Variants in SGCD observed in about 807,000 individuals in gnomAD.
The protein encoded by SGCD is sarcoglycan delta.
In SGCD, 18 loss-of-function variants were observed where a neutral mutation model predicts 36.6. The ratio of observed to expected loss-of-function variants is 0.49; its 90% CI spans 0.34 to 0.73. The LOEUF (loss-of-function observed/expected upper bound fraction) is 0.73. SGCD is among the 30% of genes least tolerant of loss of function. The pLI is 0.01. For synonymous variants in SGCD, 133 were observed against 130.6 expected (o/e 1.02, Z -0.12); for missense variants, 387 against 346.7 (o/e 1.12, Z -0.92).
chr5:156,034,832 C>T (rs933010736), intron 1 of SGCD, among the ~76,000 whole-genome samples: 6 of 152,196 alleles, frequency 3.9e-5, no homozygotes, highest in Admixed American at 3.3e-4. Flanking sequence ...ATAGTAAGCA[C>T]TTAGTCAATA....
chr5:155,893,100 A>G (rs1489414952), intron 1 of SGCD, among the ~76,000 whole-genome samples: 2 of 152,188 alleles, frequency 1.3e-5, no homozygotes, highest in South Asian at 4.1e-4. Context: ...GGATTTCTGA[A>G]GAGTTAGAAG....
chr5:155,987,153 T>C (rs927134298), intron 1 of SGCD, among the ~76,000 whole-genome samples: 5 of 152,196 alleles, frequency 3.3e-5, no homozygotes, highest in Non-Finnish European at 5.9e-5. Context: ...AAATAGCTTA[T>C]TTCCAAAAAG....
At chr5:156,270,081 C>T (rs1194628505) in intron 3 of SGCD, among the ~76,000 whole-genome samples, 3 of 152,180 alleles carry the variant, frequency 2.0e-5, no homozygotes, top group Non-Finnish European at 4.4e-5. Context: ...CAGTTTCAGT[C>T]TTCTGCATAT....
At chr5:156,563,062 C>G (rs565281852) in intron 4 of SGCD, among the ~76,000 whole-genome samples, 2 of 152,164 alleles carry the variant, frequency 1.3e-5, no homozygotes, top group East Asian at 3.9e-4. Context: ...TCACTGCATC[C>G]TCTGCCTCCC....
intron 3 of SGCD, among the ~76,000 whole-genome samples, chr5:156,290,009 A>C (rs1376241172): frequency 6.6e-6 from 1 of 152,158 alleles, no homozygotes. Context: ...AGGCAGGGGC[A>C]ATTAGAGAAT....
At chr5:155,755,368 G>A in the SGCD span, among the ~76,000 whole-genome samples, 2 of 152,138 alleles carry the variant, frequency 1.3e-5, no homozygotes, top group Admixed American at 1.3e-4. Flanking sequence ...CTGTTTGTTT[G>A]TACTGCTCTG....
At chr5:155,759,669 T>C in the SGCD span, among the ~76,000 whole-genome samples, 341 of 152,284 alleles carry the variant, frequency 2.2e-3, no homozygotes, top group Middle Eastern at 0.01. Context: ...GTAATCATGG[T>C]GAGATGTTCA....
At chr5:156,240,696 TA>T (rs939057371) in intron 3 of SGCD, among the ~76,000 whole-genome samples, 13 of 151,300 alleles carry the variant, frequency 8.6e-5, no homozygotes, top group African/African-American at 2.4e-4. Context: ...CTTAATTTAA[TA>T]AAAAAAAATG....
At chr5:156,754,190 G>A (rs1211815986) in intron 7 of SGCD, among the ~76,000 whole-genome samples, 1 of 152,176 alleles carries the variant, frequency 6.6e-6, no homozygotes, top group Non-Finnish European at 1.5e-5. Flanking sequence ...CAGAGGCCTA[G>A]GCAGTGGGCA....
chr5:156,651,338 A>G (rs879360266), intron 7 of SGCD, among the ~76,000 whole-genome samples: 1 of 151,958 alleles, frequency 6.6e-6, no homozygotes, highest in Admixed American at 6.6e-5. Flanking sequence ...GTTTTGATGC[A>G]ATTGCTTTTG....
intron 7 of SGCD, among the ~76,000 whole-genome samples, chr5:156,722,276 A>G (rs1755547273): frequency 6.6e-6 from 1 of 152,234 alleles, no homozygotes; most frequent in South Asian, 2.1e-4. Context: ...GAAAAACAAC[A>G]CACAAACAGA....
intron 1 of SGCD, among the ~76,000 whole-genome samples, chr5:155,924,632 T>C (rs1580993598): frequency 1.3e-5 from 2 of 152,320 alleles, no homozygotes; most frequent in Admixed American, 1.3e-4. Context: ...TTTCAAACAA[T>C]AGTAGCTATG....
the SGCD span, among the ~76,000 whole-genome samples, chr5:155,778,397 C>T: frequency 1.4e-4 from 22 of 152,028 alleles, no homozygotes; most frequent in Admixed American, 2.6e-4. Flanking sequence ...TTTCAAAAGA[C>T]GAAATCCAGA....
chr5:156,721,352 A>G (rs759721271), intron 7 of SGCD, among the ~76,000 whole-genome samples: 1 of 152,216 alleles, frequency 6.6e-6, no homozygotes, highest in Non-Finnish European at 1.5e-5. Flanking sequence ...TAAGTCTAAT[A>G]AAGAACTGCC....
At chr5:156,501,952 A>T (rs948414122) in intron 3 of SGCD, among the ~76,000 whole-genome samples, 8 of 152,156 alleles carry the variant, frequency 5.3e-5, no homozygotes, top group Non-Finnish European at 1.2e-4. Context: ...CCTTAAGAAA[A>T]TTAGTTTCAC....
At chr5:156,755,204 G>A (rs538286886) in intron 7 of SGCD, among the ~76,000 whole-genome samples, 2 of 152,278 alleles carry the variant, frequency 1.3e-5, no homozygotes, top group East Asian at 3.9e-4. Context: ...GAGAAGTTCT[G>A]AGTTAAAAGA....
intron 2 of SGCD, among the ~76,000 whole-genome samples, chr5:156,120,622 G>A (rs1762014917): frequency 6.6e-6 from 1 of 152,068 alleles, no homozygotes; most frequent in Non-Finnish European, 1.5e-5. Context: ...GACTTAGAAT[G>A]GATTGTAAGT....
chr5:156,747,963 A>T (rs138313630), intron 7 of SGCD, among the ~76,000 whole-genome samples: 1 of 152,356 alleles, frequency 6.6e-6, no homozygotes, highest in East Asian at 1.9e-4. Flanking sequence ...TTTCTACAAA[A>T]TAGCCACAAA....
At chr5:156,011,853 A>G (rs1420767494) in intron 1 of SGCD, among the ~76,000 whole-genome samples, 1 of 152,232 alleles carries the variant, frequency 6.6e-6, no homozygotes, top group Non-Finnish European at 1.5e-5. Flanking sequence ...GACTAGGATA[A>G]AAGTCAAGCA....
Sources: allele counts gnomAD v4.1 joint callset (sites outside exome capture counted in the v4.1 genomes callset), GRCh38; gene constraint gnomAD v4.1.1; transcripts MANE v1.5; gene names NCBI Gene and HGNC (gene_info 2026-07-23, HGNC 2026-07-21).